Variants in CNTNAP2 observed in about 807,000 individuals in gnomAD.
CNTNAP2 encodes the protein contactin-associated protein-like 2.
A neutral mutation model predicts 155.2 loss-of-function variants in CNTNAP2; 98 were observed. The observed-to-expected ratio is 0.63, with a 90% confidence interval of 0.54 to 0.75. The LOEUF (loss-of-function observed/expected upper bound fraction) is 0.75. Ranked by LOEUF, CNTNAP2 falls within the 30% of genes least tolerant of loss-of-function variation. CNTNAP2 has a pLI of 0.00. For missense variants in CNTNAP2, 1,727 were observed against 1,688.1 expected (o/e 1.02, Z -0.40); for synonymous variants, 651 against 631.2 (o/e 1.03, Z -0.47).
chr7:146,289,655 C>T (rs1010947170), intron 1 of CNTNAP2, among the ~76,000 whole-genome samples: 15 of 152,120 alleles, frequency 9.9e-5, no homozygotes, highest in South Asian at 2.1e-4. Flanking sequence ...CTTCAGCAAA[C>T]GACCATTTAT....
At chr7:146,316,565 T>C (rs1168693165) in intron 1 of CNTNAP2, among the ~76,000 whole-genome samples, 1 of 152,088 alleles carries the variant, frequency 6.6e-6, no homozygotes, top group Non-Finnish European at 1.5e-5. Flanking sequence ...AAAAAAATTA[T>C]GTCATAAGTC....
chr7:146,322,107 G>A (rs1355302408), intron 1 of CNTNAP2, among the ~76,000 whole-genome samples: 1 of 152,150 alleles, frequency 6.6e-6, no homozygotes, highest in Non-Finnish European at 1.5e-5. Flanking sequence ...AAGGGATCTG[G>A]AGTGGGTTGA....
At chr7:147,503,534 G>A (rs763124621) in intron 11 of CNTNAP2, among the ~76,000 whole-genome samples, 19 of 152,034 alleles carry the variant, frequency 1.2e-4, no homozygotes, top group East Asian at 3.9e-4. Context: ...TCCCAGCTCC[G>A]TTATGCCATC....
At chr7:147,109,572 G>C (rs1800832738) in intron 5 of CNTNAP2, among the ~76,000 whole-genome samples, 1 of 152,120 alleles carries the variant, frequency 6.6e-6, no homozygotes, top group South Asian at 2.1e-4. Context: ...AATGAAGAAA[G>C]TGTAGTATCA....
chr7:146,449,060 T>G (rs967879733), intron 1 of CNTNAP2, among the ~76,000 whole-genome samples: 10 of 152,134 alleles, frequency 6.6e-5, no homozygotes, highest in African/African-American at 2.2e-4. Flanking sequence ...ATTGATACCA[T>G]TCTTTCTTCT....
intron 9 of CNTNAP2, among the ~76,000 whole-genome samples, chr7:147,355,330 G>A (rs1796044083): frequency 2.0e-5 from 3 of 152,110 alleles, no homozygotes; most frequent in Middle Eastern, 3.4e-3. Flanking sequence ...GTGCCCACAG[G>A]AGAAAGCAGG....
chr7:147,490,391 T>A (rs544275626), intron 11 of CNTNAP2, among the ~76,000 whole-genome samples: 1 of 152,176 alleles, frequency 6.6e-6, no homozygotes, highest in African/African-American at 2.4e-5. Context: ...GCATTTCCTC[T>A]GGGTTCATAA....
At chr7:147,202,094 G>A (rs568857882) in intron 8 of CNTNAP2, among the ~76,000 whole-genome samples, 2 of 151,426 alleles carry the variant, frequency 1.3e-5, no homozygotes, top group East Asian at 3.9e-4. Context: ...ATTAAATGGG[G>A]GTAAGAAAAT....
At chr7:147,513,719 T>C (rs1485598278) in intron 11 of CNTNAP2, among the ~76,000 whole-genome samples, 2 of 152,254 alleles carry the variant, frequency 1.3e-5, no homozygotes, top group Non-Finnish European at 2.9e-5. Flanking sequence ...TTCCTCACTT[T>C]AGAGACATAG....
chr7:147,341,912 A>G (rs1182073706), intron 9 of CNTNAP2, among the ~76,000 whole-genome samples: 1 of 152,232 alleles, frequency 6.6e-6, no homozygotes, highest in Non-Finnish European at 1.5e-5. Context: ...TAATCAGTTT[A>G]GGTTGCTATA....
intron 3 of CNTNAP2, among the ~76,000 whole-genome samples, chr7:146,884,012 G>A (rs1251233864): frequency 1.3e-5 from 2 of 151,960 alleles, no homozygotes; most frequent in Non-Finnish European, 2.9e-5. Flanking sequence ...TGTAAATAGG[G>A]CATTTTCAAT....
intron 1 of CNTNAP2, among the ~76,000 whole-genome samples, chr7:146,185,439 G>T (rs1484823916): frequency 6.6e-6 from 1 of 152,088 alleles, no homozygotes; most frequent in African/African-American, 2.4e-5. Context: ...GTATTTACGG[G>T]TTGGAACTTT....
Position 146,845,211 on chromosome 7 carries a change from T to C in CNTNAP2, c.402+5307T>C, listed in dbSNP as rs957279. Among the ~76,000 whole-genome samples the C allele has an allele frequency of 1.3e-3, 197 of 152,316 alleles. No homozygotes were observed. The Middle Eastern group carries it at 0.014, about 11-fold the overall frequency. On this transcript the variant is annotated intron_variant, in intron 3 of 23. Coordinates refer to ENST00000361727, the MANE Select transcript of CNTNAP2 (RefSeq NM_014141.6). Reference sequence around the variant, plus strand: ...GGCATAAGCTGGACCACGTATTCCCTACTTTCTTTTTAATTACATATTCCA... The same window carrying C: ...GGCATAAGCTGGACCACGTATTCCCCACTTTCTTTTTAATTACATATTCCA...
chr7:146,697,447 C>T (rs1268442785), intron 1 of CNTNAP2, among the ~76,000 whole-genome samples: 1 of 152,076 alleles, frequency 6.6e-6, no homozygotes, highest in African/African-American at 2.4e-5. Context: ...TCATGTTGGC[C>T]AGGCTGGTCT....
intron 1 of CNTNAP2, among the ~76,000 whole-genome samples, chr7:146,152,724 T>A (rs532672598): frequency 2.0e-5 from 3 of 152,078 alleles, no homozygotes; most frequent in Non-Finnish European, 4.4e-5. Flanking sequence ...ACATGGACAA[T>A]ATAACAGAAA....
chr7:146,649,414 A>C (rs750528208), intron 1 of CNTNAP2, among the ~76,000 whole-genome samples: 30 of 152,156 alleles, frequency 2.0e-4, no homozygotes, highest in Non-Finnish European at 3.1e-4. Context: ...ATGTGACATG[A>C]TGTAAGTTCA....
At chr7:146,568,615 G>A (rs1486908900) in intron 1 of CNTNAP2, among the ~76,000 whole-genome samples, 1 of 152,088 alleles carries the variant, frequency 6.6e-6, no homozygotes, top group Non-Finnish European at 1.5e-5. Flanking sequence ...TTCTTGTGAA[G>A]TCTGCATACA....
chr7:147,089,693 C>G (rs932825388), intron 4 of CNTNAP2, among the ~76,000 whole-genome samples: 2 of 152,124 alleles, frequency 1.3e-5, no homozygotes, highest in African/African-American at 4.8e-5. Context: ...TGAATACATA[C>G]AGCCAACCAG....
At chr7:147,977,110 ATCTCCAGG>A (rs2116864081) in intron 14 of CNTNAP2, among the ~76,000 whole-genome samples, 1 of 152,244 alleles carries the variant, frequency 6.6e-6, no homozygotes, top group East Asian at 1.9e-4. Context: ...TCTTAAGCCC[ATCTCCAGG>A]AACCCCTCCT....
Sources: gnomAD v4.1 joint callset for allele counts (sites outside exome capture counted in the v4.1 genomes callset) on GRCh38, gnomAD v4.1.1 for gene constraint, MANE v1.5 for transcripts, NCBI Gene and HGNC (gene_info 2026-07-23, HGNC 2026-07-21) for gene names.